The following MTFMT variants were observed in gnomAD, a reference collection of about 807,000 sequenced individuals.
The protein encoded by MTFMT is mitochondrial methionyl-tRNA formyltransferase.
MTFMT carries 47 observed loss-of-function variants against 51.8 expected under a neutral mutation model. The ratio of observed to expected loss-of-function variants is 0.91; its 90% confidence interval spans 0.72 to 1.16. MTFMT has a LOEUF of 1.16. MTFMT is among the 50% of genes most tolerant of loss of function. The pLI is 0.00. For missense variants in MTFMT, 512 were observed against 482.3 expected (o/e 1.06, Z -0.58); for synonymous variants, 196 against 176.7 (o/e 1.11, Z -0.87).
chr15:65,022,236 GT>G (rs1224240756), intron 3 of MTFMT, among the ~76,000 whole-genome samples: 1 of 152,192 alleles, frequency 6.6e-6, no homozygotes, highest in Non-Finnish European at 1.5e-5. Flanking sequence ...GCCAAGGTGG[GT>G]GGATCACGAG....
rs1204195350 is a variant in MTFMT at position 65,029,475 on chromosome 15, G to C, written c.139C>G (p.Pro47Ala). Residue 47 changes from proline (P) to alanine (A), a missense_variant, in exon 1 of 9, where the codon CCC becomes GCC. Physicochemically the swap from Pro to Ala is conservative, Grantham distance 27. Transcript: ENST00000220058. ...GTGCCGAAGAAGAGCACCCGCCAGG[G>C]AGGCTTCTCGCGGACTCTGGAGTCC... is the stretch of plus-strand genomic sequence containing the variant. ...CRDSRVREKP[P>A]WRVLFFGTDQ... 5.9e-6 allele frequency: 9 copies of C among 1,534,086 alleles called. No homozygotes were observed. Among genetic ancestry groups the C allele is most frequent in the Non-Finnish European group, 7.9e-6 (9 of 1,141,994 alleles).
chr15:65,014,322 ATTT>A (rs35599676), intron 6 of MTFMT, among the ~76,000 whole-genome samples: 5 of 123,094 alleles, frequency 4.1e-5, no homozygotes, highest in Non-Finnish European at 1.7e-5. Flanking sequence ...ACACTATTTG[ATTT>A]TTTTTTTTTT....
At chr15:65,025,118 G>T (rs2086410145) in intron 2 of MTFMT, among the ~76,000 whole-genome samples, 2 of 151,888 alleles carry the variant, frequency 1.3e-5, no homozygotes, top group South Asian at 4.1e-4. Flanking sequence ...TTTGAGGCAG[G>T]GTACAGTGGC....
At chr15:65,023,082 G>A (rs1383353615) in intron 3 of MTFMT, among the ~76,000 whole-genome samples, 2 of 152,060 alleles carry the variant, frequency 1.3e-5, no homozygotes, top group South Asian at 2.1e-4. Flanking sequence ...CAGATACCAC[G>A]TTGTTCTTGC....
At chr15:65,023,392 T>C (rs538313594) in intron 3 of MTFMT, among the ~76,000 whole-genome samples, 15 of 152,330 alleles carry the variant, frequency 9.8e-5, no homozygotes, top group African/African-American at 3.4e-4. Context: ...CTCTCATTTA[T>C]ACAATGTATT....
rs183933238 is a variant in MTFMT at position 65,002,938 on chromosome 15, G to C, written c.*124C>G. On this transcript the variant is annotated 3_prime_UTR_variant, in exon 9 of 9. Transcript: ENST00000220058. ...AGATAGTGCCACTGGATTCCAGCCT[G>C]GGTGACAGAGTGAGACTCTGTCTCA... is the stretch of plus-strand genomic sequence containing the variant. The C allele has an allele frequency of 1.1e-5, 7 of 638,492 alleles. No individual in the cohort carries two copies. In the East Asian group the frequency reaches 2.2e-4, roughly 20 times the overall value. 39.6% of individuals were successfully genotyped at this position (638,492 alleles called of 1,614,324 possible). A position where few individuals can be genotyped will look rare whatever the true frequency, so the allele number is the denominator to read the frequency against.
intron 7 of MTFMT, 82 bp downstream of exon 7, chr15:65,006,031 T>A: frequency 1.1e-6 from 1 of 915,022 alleles, no homozygotes; most frequent in Non-Finnish European, 1.7e-6. Flanking sequence ...TTTTAGTAAT[T>A]GTGACATATG....
intron 2 of MTFMT, among the ~76,000 whole-genome samples, chr15:65,025,280 CTA>C (rs1039683790): frequency 1.3e-5 from 2 of 150,394 alleles, no homozygotes; most frequent in African/African-American, 4.9e-5. Context: ...TGGCACATTC[CTA>C]TAGTCTCAGC....
intron 6 of MTFMT, among the ~76,000 whole-genome samples, chr15:65,008,335 T>C (rs2086235438): frequency 6.6e-6 from 1 of 152,204 alleles, no homozygotes; most frequent in Non-Finnish European, 1.5e-5. Context: ...AAATACCACC[T>C]TTATCATGTA....
At chr15:65,022,429 G>A (rs1301795629) in intron 3 of MTFMT, among the ~76,000 whole-genome samples, 3 of 151,510 alleles carry the variant, frequency 2.0e-5, no homozygotes, top group Non-Finnish European at 4.4e-5. Context: ...TTCCAGCCGG[G>A]GTGACAGAGT....
At chr15:65,022,208 ATCACAGCACTT>A (rs1354976258) in intron 3 of MTFMT, among the ~76,000 whole-genome samples, 3 of 152,200 alleles carry the variant, frequency 2.0e-5, no homozygotes, top group Admixed American at 2.0e-4. Context: ...CATGCCTGTA[ATCACAGCACTT>A]TGGGAGGCCA....
At chr15:65,021,403 C>A in intron 4 of MTFMT, 111 bp downstream of exon 4, 1 of 746,546 alleles carries the variant, frequency 1.3e-6, no homozygotes, top group Non-Finnish European at 2.3e-6. Context: ...ATAGAAATTA[C>A]TCTTTTTTGT....
intron 6 of MTFMT, among the ~76,000 whole-genome samples, chr15:65,007,740 T>G (rs1221242794): frequency 6.6e-6 from 1 of 152,250 alleles, no homozygotes; most frequent in Non-Finnish European, 1.5e-5. Context: ...TTTATTTATC[T>G]GTAACCTGCC....
intron 6 of MTFMT, 191 bp downstream of exon 6, chr15:65,016,245 C>A (rs34348990): frequency 4.1e-5 from 18 of 442,974 alleles, no homozygotes; most frequent in Non-Finnish European, 7.3e-5. Flanking sequence ...TCTAAGGTCT[C>A]TATAAACACT....
chr15:65,004,980 ATTATGCAAC>A, intron 7 of MTFMT, 44 bp from the exon 8 acceptor site: 9 of 1,346,868 alleles, frequency 6.7e-6, no homozygotes, highest in Non-Finnish European at 9.6e-6. Flanking sequence ...GAAAAAAGCA[ATTATGCAAC>A]TTCATAGTAC....
At chr15:65,006,013 A>T (rs976645122) in intron 7 of MTFMT, 100 bp downstream of exon 7, 1 of 778,566 alleles carries the variant, frequency 1.3e-6, no homozygotes, top group African/African-American at 1.7e-5. Context: ...AAACAAACTA[A>T]AAGTTATTTT....
At chr15:65,004,207 G>T (rs1202854063) in intron 8 of MTFMT, among the ~76,000 whole-genome samples, 1 of 151,922 alleles carries the variant, frequency 6.6e-6, no homozygotes, top group Non-Finnish European at 1.5e-5. Flanking sequence ...AGTAAAGACG[G>T]GGTTTCTCTA....
chr15:65,024,584 A>C (rs543725049), intron 2 of MTFMT, among the ~76,000 whole-genome samples: 220 of 151,810 alleles, frequency 1.4e-3, no homozygotes, highest in Admixed American at 2.4e-3. Context: ...CTGCAGCCTC[A>C]ACCTCCCAAG....
chr15:65,020,245 C>T lies in MTFMT; in HGVS notation c.673G>A (p.Glu225Lys). Residue 225 changes from glutamate (E) to lysine (K), a missense_variant, in exon 5 of 9, where the codon GAA becomes AAA. Physicochemically the swap from Glu to Lys is moderately conservative, Grantham distance 56. Coordinates refer to ENST00000220058, the MANE Select transcript of MTFMT (RefSeq NM_139242.4). ...MLISVLKNLPESLSNGRQQPM... is the reference protein window; with the variant it reads ...MLISVLKNLPKSLSNGRQQPM... ...TGCTGCCTTCCATTGCTCAGACTTT[C>T]AGGCAAATTTTTCAAAACTGAAATG... 2 of 1,602,512 alleles carry T rather than the reference C, an allele frequency of 1.2e-6. No individual in the cohort carries two copies. The highest frequency in any genetic ancestry group is 1.4e-5 in the African/African-American group (1 of 71,656).
Sources: gnomAD v4.1 joint callset for allele counts (sites outside exome capture counted in the v4.1 genomes callset) on GRCh38, gnomAD v4.1.1 for gene constraint, MANE v1.5 for transcripts, NCBI Gene and HGNC (gene_info 2026-07-23, HGNC 2026-07-21) for gene names.